GPBP1L1: variants seen among roughly 807,000 people sequenced by gnomAD.
GPBP1L1 encodes vasculin-like protein 1.
Under a neutral mutation model 52.5 loss-of-function variants are expected in GPBP1L1, and 23 were observed. The ratio of observed to expected loss-of-function variants is 0.44; its 90% CI spans 0.32 to 0.62. The LOEUF (loss-of-function observed/expected upper bound fraction) is 0.62, where lower values mean the gene tolerates loss of function less well. Ranked by LOEUF, GPBP1L1 falls within the 20% of genes least tolerant of loss-of-function variation. GPBP1L1 has a pLI of 0.06. For synonymous variants in GPBP1L1, 243 were observed against 203.1 expected, an observed-to-expected ratio of 1.20 and a Z score of -1.67; for missense variants, 596 against 579.3, an observed-to-expected ratio of 1.03 and a Z score of -0.30.
At chr1:45,682,434 A>T (rs1424000531) in intron 2 of GPBP1L1, among the ~76,000 whole-genome samples, 1 of 152,202 alleles carries the variant, frequency 6.6e-6, no homozygotes, top group African/African-American at 2.4e-5. Flanking sequence ...CTCTAGGCTG[A>T]CCTCTGGTTA....
At position 45,634,147 on chromosome 1, in the gene GPBP1L1, A is replaced by G; in HGVS notation, c.834T>C (p.Val278=). Residue 278 remains valine, a synonymous_variant, in exon 9 of 13, where the codon GTT becomes GTC. Coordinates refer to ENST00000355105, the MANE Select transcript of GPBP1L1 (RefSeq NM_021639.5). The part of the protein sequence containing the change: ...RESAFTSPIS[V]TKPVVLASGA... ...CACTAGCCAGTACCACTGGTTTGGTAACAGAGATTGGACTGGTAAAAGCAG... is the reference window on the plus strand; with the variant it reads ...CACTAGCCAGTACCACTGGTTTGGTGACAGAGATTGGACTGGTAAAAGCAG... 1 of 1,614,090 alleles carries G rather than the reference A, an allele frequency of 6.2e-7. No individual in the cohort carries two copies. The highest frequency in any genetic ancestry group is 2.2e-5 in the East Asian group (1 of 44,888).
intron 2 of GPBP1L1, among the ~76,000 whole-genome samples, chr1:45,683,534 T>G (rs1645238503): frequency 6.6e-6 from 1 of 150,504 alleles, no homozygotes; most frequent in Non-Finnish European, 1.5e-5. Context: ...ACCAGCTGGA[T>G]GAATCTCTGG....
intron 2 of GPBP1L1, among the ~76,000 whole-genome samples, chr1:45,668,489 A>G (rs1645036827): frequency 6.6e-6 from 1 of 152,106 alleles, no homozygotes; most frequent in Non-Finnish European, 1.5e-5. Flanking sequence ...CCTCATCTCT[A>G]CTAAAAATAC....
chr1:45,632,156 G>A (rs1400523374), intron 10 of GPBP1L1, among the ~76,000 whole-genome samples: 1 of 152,204 alleles, frequency 6.6e-6, no homozygotes, highest in Admixed American at 6.5e-5. Context: ...GTTATGGTCT[G>A]AGCTCTTGGT....
rs376261951 is a variant in GPBP1L1 at position 45,647,041 on chromosome 1, ATTAT to A, written c.478-4546_478-4543del. 6.0e-4 allele frequency among the ~76,000 whole-genome samples: 90 copies of A among 150,980 alleles called. No individual in the cohort carries two copies. In the East Asian group the frequency reaches 0.013, roughly 22 times the overall value. On this transcript the variant is annotated intron_variant, in intron 6 of 12. Coordinates refer to ENST00000355105, the MANE Select transcript of GPBP1L1 (RefSeq NM_021639.5). Reference sequence around the variant, plus strand: ...CTTCGCTGTCTAATTCTTGAAAAATATTATTTATTCTCTTTATTCTTCAGTATTT... The same window carrying A: ...CTTCGCTGTCTAATTCTTGAAAAATATTATTCTCTTTATTCTTCAGTATTT...
chr1:45,629,683 T>A lies in GPBP1L1; in HGVS notation c.1170-5A>T, dbSNP rs773538182. The A allele has an allele frequency of 3.2e-5, 50 of 1,565,322 alleles. No individual in the cohort carries two copies. In the South Asian group the frequency reaches 4.7e-4, roughly 15 times the overall value. ...CAACCCATAGCTTTCAATAACCTGG[T>A]GGACGCAGAAGGACAGGTAAAGAGA... is the stretch of plus-strand genomic sequence containing the variant. On this transcript the variant is annotated splice_polypyrimidine_tract_variant and splice_region_variant and intron_variant, in intron 11 of 12. Coordinates refer to ENST00000355105, the MANE Select transcript of GPBP1L1 (RefSeq NM_021639.5).
chr1:45,631,945 G>C (rs1446167073), intron 10 of GPBP1L1, among the ~76,000 whole-genome samples: 1 of 151,958 alleles, frequency 6.6e-6, no homozygotes, highest in African/African-American at 2.4e-5. Flanking sequence ...GGCCGGCTGG[G>C]CATGGCAGCT....
intron 2 of GPBP1L1, among the ~76,000 whole-genome samples, chr1:45,664,276 T>A (rs914665682): frequency 1.5e-5 from 2 of 137,614 alleles, no homozygotes; most frequent in South Asian, 2.3e-4. Context: ...ACCGAGATCG[T>A]TGCCACTGCA....
intron 2 of GPBP1L1, among the ~76,000 whole-genome samples, chr1:45,670,343 C>T (rs927097275): frequency 3.3e-5 from 5 of 152,166 alleles, no homozygotes; most frequent in South Asian, 2.1e-4. Flanking sequence ...AAATCAGATA[C>T]GAATCCTATG....
At chr1:45,673,258 C>G (rs918465451) in intron 2 of GPBP1L1, among the ~76,000 whole-genome samples, 1 of 152,162 alleles carries the variant, frequency 6.6e-6, no homozygotes, top group African/African-American at 2.4e-5. Flanking sequence ...CTTCTATCTT[C>G]TCAACTAAGT....
In GPBP1L1 at chr1:45,628,006, ATGTGTGTG is replaced by A; in HGVS notation, c.*242_*249del. 1 of 407,010 alleles carries A rather than the reference ATGTGTGTG, an allele frequency of 2.5e-6. No homozygotes were observed. The highest frequency in any genetic ancestry group is 4.5e-6 in the Non-Finnish European group (1 of 220,654). The allele number at this position is 407,010 out of a possible 1,614,324, so 25.2% of individuals were successfully genotyped here. A position where few individuals can be genotyped will look rare whatever the true frequency, so the allele number is the denominator to read the frequency against. On this transcript the variant is annotated 3_prime_UTR_variant, in exon 13 of 13. Coordinates refer to ENST00000355105, the MANE Select transcript of GPBP1L1 (RefSeq NM_021639.5). ...ATCGCCCCATATATACTGGGTGTGTATGTGTGTGTGTGTGTGAGTGTGTTTAAAAAATC... is the reference window on the plus strand; with the variant it reads ...ATCGCCCCATATATACTGGGTGTGTATGTGTGTGAGTGTGTTTAAAAAATC...
At chr1:45,640,639 C>A (rs1401485862) in intron 7 of GPBP1L1, among the ~76,000 whole-genome samples, 2 of 152,124 alleles carry the variant, frequency 1.3e-5, no homozygotes, top group Non-Finnish European at 2.9e-5. Flanking sequence ...CCAGGAAGTC[C>A]AAAGATGTTA....
intron 2 of GPBP1L1, among the ~76,000 whole-genome samples, chr1:45,684,307 G>T (rs924516382): frequency 1.2e-4 from 18 of 144,708 alleles, no homozygotes; most frequent in Non-Finnish European, 1.8e-4. Flanking sequence ...GGAAAAAAAA[G>T]TAAGTAACAA....
chr1:45,645,847 G>T, intron 6 of GPBP1L1: 1 of 496,200 alleles, frequency 2.0e-6, no homozygotes, highest in Non-Finnish European at 3.9e-6. Flanking sequence ...TTTCCCTCCT[G>T]TGTGTTTTCG....
At chr1:45,653,702 C>CT (rs143229482) in intron 6 of GPBP1L1, among the ~76,000 whole-genome samples, 45,778 of 142,812 alleles carry the variant, frequency 0.32, 7,307 homozygotes, top group East Asian at 0.38. Flanking sequence ...TCTTTTTTTT[C>CT]TTTTTTTTTT....
At position 45,627,556 on chromosome 1, in the gene GPBP1L1, T is replaced by A. The variant is rs1267341895; in HGVS notation, c.*700A>T. The A allele has an allele frequency of 1.3e-5, 2 of 152,644 alleles. No individual in the cohort carries two copies. The highest frequency in any genetic ancestry group is 4.8e-5 in the African/African-American group (2 of 41,476). The allele number at this position is 152,644 out of a possible 1,614,324, so 9.5% of individuals were successfully genotyped here. A position where few individuals can be genotyped will look rare whatever the true frequency, so the allele number is the denominator to read the frequency against. ...GCAGTAGTTTCCCCCTCGAGACTTG[T>A]GATAACCACATCTTTTAAATCTGTA... is the stretch of plus-strand genomic sequence containing the variant. On this transcript the variant is annotated 3_prime_UTR_variant, in exon 13 of 13. Transcript: ENST00000355105.
In GPBP1L1 at chr1:45,655,267, C is replaced by T. The variant is rs1381492223; in HGVS notation, c.113G>A (p.Gly38Asp). ...TCGACGGCGGCTTACTCCAAATCTA[C>T]CTTCTCCTCTGGGTAGGTGCTCTCC... is the stretch of plus-strand genomic sequence containing the variant. ...KHGEHLPRGE[G>D]RFGVSRRRHN... Residue 38 changes from glycine (G) to aspartate (D), a missense_variant, in exon 5 of 13, where the codon GGT (glycine) becomes GAT (aspartate). Physicochemically the swap from Gly to Asp is moderately conservative, Grantham distance 94. Transcript: ENST00000355105. 1.9e-5 allele frequency: 30 copies of T among 1,614,108 alleles called. No homozygotes were observed. Among genetic ancestry groups the T allele is most frequent in the Non-Finnish European group, 2.5e-5 (30 of 1,179,972 alleles).
Position 45,643,274 on chromosome 1 carries a change from G to A in GPBP1L1, c.478-775C>T, listed in dbSNP as rs192883107. 1.5e-4 allele frequency among the ~76,000 whole-genome samples: 23 copies of A among 152,324 alleles called. 1 individual carries two copies. Among genetic ancestry groups the A allele is most frequent in the Admixed American group, 5.2e-4 (8 of 15,302 alleles). On this transcript the variant is annotated intron_variant, in intron 6 of 12. Coordinates refer to ENST00000355105, the MANE Select transcript of GPBP1L1 (RefSeq NM_021639.5). ...CAGCATGAGTAGTGCTAGGGAAGGAGGGGACCCTTCTGTGGGGAAAGAGGT... is the reference window on the plus strand; with the variant it reads ...CAGCATGAGTAGTGCTAGGGAAGGAAGGGACCCTTCTGTGGGGAAAGAGGT...
intron 2 of GPBP1L1, among the ~76,000 whole-genome samples, chr1:45,673,227 T>A (rs772758187): frequency 6.6e-6 from 1 of 152,268 alleles, no homozygotes; most frequent in African/African-American, 2.4e-5. Flanking sequence ...CAATGAGAGC[T>A]TGGAAGGTCT....
Sources: gnomAD v4.1 joint callset for allele counts (sites outside exome capture counted in the v4.1 genomes callset) on GRCh38, gnomAD v4.1.1 for gene constraint, MANE v1.5 for transcripts, NCBI Gene and HGNC (gene_info 2026-07-23, HGNC 2026-07-21) for gene names.